The following GRIP1 variants were observed in gnomAD, a reference collection of about 807,000 sequenced individuals.
GRIP1 encodes glutamate receptor-interacting protein 1.
A neutral mutation model predicts 129.9 loss-of-function variants in GRIP1; 45 were observed. The ratio of observed to expected loss-of-function variants is 0.35; its 90% CI spans 0.27 to 0.44. The LOEUF is 0.44. GRIP1 is among the 20% of genes least tolerant of loss of function. The probability of loss-of-function intolerance (pLI) is 1.00; values close to 1 mark genes in which losing one functional copy is unlikely to be tolerated. For missense variants in GRIP1, 1,196 were observed against 1,396.8 expected, an observed-to-expected ratio of 0.86 and a Z score of 2.29; for synonymous variants, 530 against 520.8, an observed-to-expected ratio of 1.02 and a Z score of -0.24.
intron 7 of GRIP1, among the ~76,000 whole-genome samples, chr12:66,484,639 G>C (rs2059903215): frequency 6.6e-6 from 1 of 152,138 alleles, no homozygotes. Context: ...ATCTCGTGGA[G>C]GTAGAGAGTA....
intron 1 of GRIP1, among the ~76,000 whole-genome samples, chr12:67,058,336 A>G (rs527535587): frequency 1.2e-4 from 19 of 152,336 alleles, no homozygotes; most frequent in African/African-American, 3.8e-4. Context: ...CAGATTTTCA[A>G]TTGTCTATAT....
intron 1 of GRIP1, among the ~76,000 whole-genome samples, chr12:66,641,274 T>C (rs929050028): frequency 2.0e-5 from 3 of 152,158 alleles, no homozygotes; most frequent in Admixed American, 6.5e-5. Context: ...TCTGCACAGG[T>C]GCTACCACTA....
chr12:66,356,465 T>A (rs982213368), intron 23 of GRIP1, among the ~76,000 whole-genome samples: 1 of 152,198 alleles, frequency 6.6e-6, no homozygotes, highest in Non-Finnish European at 1.5e-5. Flanking sequence ...TCCACAATTA[T>A]GTTTTTGCCT....
At chr12:66,718,058 T>C (rs554535607) in intron 1 of GRIP1, among the ~76,000 whole-genome samples, 18 of 152,238 alleles carry the variant, frequency 1.2e-4, no homozygotes, top group African/African-American at 3.9e-4. Flanking sequence ...GCATTATACT[T>C]TGGAGATTGC....
At chr12:66,920,434 C>A (rs2041193977) in intron 1 of GRIP1, among the ~76,000 whole-genome samples, 1 of 152,206 alleles carries the variant, frequency 6.6e-6, no homozygotes, top group Admixed American at 6.5e-5. Context: ...CTTCTATCTC[C>A]TTCAAGCAGC....
chr12:66,436,459 T>G (rs1211681041), intron 13 of GRIP1, among the ~76,000 whole-genome samples: 1 of 152,060 alleles, frequency 6.6e-6, no homozygotes, highest in Non-Finnish European at 1.5e-5. Flanking sequence ...ATTCATGATA[T>G]TAGTTGGAGA....
At chr12:66,390,127 C>T (rs1256878523) in intron 19 of GRIP1, among the ~76,000 whole-genome samples, 1 of 152,184 alleles carries the variant, frequency 6.6e-6, no homozygotes, top group African/African-American at 2.4e-5. Context: ...AAGGAACAAC[C>T]TGTCACCTTG....
chr12:66,378,051 G>A (rs2055897407), intron 20 of GRIP1, among the ~76,000 whole-genome samples: 1 of 151,534 alleles, frequency 6.6e-6, no homozygotes, highest in African/African-American at 2.4e-5. Flanking sequence ...TTTTGGTAAG[G>A]AACAAAATGG....
intron 1 of GRIP1, among the ~76,000 whole-genome samples, chr12:66,768,573 C>G (rs933791227): frequency 6.6e-6 from 1 of 152,158 alleles, no homozygotes; most frequent in African/African-American, 2.4e-5. Flanking sequence ...ACAATGTGTC[C>G]TTACTACAAC....
chr12:66,964,679 A>T (rs773241873), intron 1 of GRIP1, among the ~76,000 whole-genome samples: 28 of 152,192 alleles, frequency 1.8e-4, no homozygotes, highest in Admixed American at 3.3e-4. Flanking sequence ...CCCAGAGAGT[A>T]GATAACACAT....
rs185676156 is a variant in GRIP1 at position 66,714,779 on chromosome 12, G to T, written c.-419-84443C>A. 3.9e-4 allele frequency among the ~76,000 whole-genome samples: 59 copies of T among 151,834 alleles called. 2 individuals are homozygous for T. The highest frequency in any genetic ancestry group is 1.4e-3 in the African/African-American group (58 of 41,450). On this transcript the variant is annotated intron_variant, in intron 1 of 4. Transcript: ENST00000538373. ...TGGTGAATTCTGTTCAAATATTCCA[G>T]GTAGTCAAGCCAGAAAATGGGGAGT...
At chr12:66,842,683 T>C (rs966583803) in intron 1 of GRIP1, among the ~76,000 whole-genome samples, 2 of 152,340 alleles carry the variant, frequency 1.3e-5, no homozygotes, top group Non-Finnish European at 1.5e-5. Context: ...GATAGGGATG[T>C]CTCTGATACT....
intron 1 of GRIP1, among the ~76,000 whole-genome samples, chr12:67,004,419 G>A (rs907749654): frequency 5.3e-5 from 8 of 152,150 alleles, no homozygotes; most frequent in Admixed American, 1.3e-4. Context: ...CACCTGGATG[G>A]CAAAGTGAGT....
At chr12:66,502,138 C>T (rs74892383) in intron 7 of GRIP1, among the ~76,000 whole-genome samples, 2,836 of 152,062 alleles carry the variant, frequency 0.019, 83 homozygotes, top group African/African-American at 0.065. Context: ...TTTATCAGGT[C>T]CAGAGACAGA....
At chr12:66,932,773 A>C (rs1458703062) in intron 1 of GRIP1, among the ~76,000 whole-genome samples, 1 of 151,968 alleles carries the variant, frequency 6.6e-6, no homozygotes, top group African/African-American at 2.4e-5. Context: ...GGTTCAAGCG[A>C]TTCTCCTGCC....
At chr12:66,738,526 T>C (rs1375902903) in intron 1 of GRIP1, among the ~76,000 whole-genome samples, 1 of 152,114 alleles carries the variant, frequency 6.6e-6, no homozygotes, top group Non-Finnish European at 1.5e-5. Flanking sequence ...CACCCACTTA[T>C]TTCATTTTTT....
chr12:66,427,665 C>T (rs1415558915), intron 14 of GRIP1, among the ~76,000 whole-genome samples: 1 of 152,184 alleles, frequency 6.6e-6, no homozygotes, highest in East Asian at 1.9e-4. Flanking sequence ...ACCACCATTA[C>T]ATAGACCTCA....
chr12:66,697,794 T>C lies in GRIP1; in HGVS notation c.-419-67458A>G, dbSNP rs142555862. Among the ~76,000 whole-genome samples, 442 of 152,310 alleles carry C rather than the reference T, an allele frequency of 2.9e-3. 1 individual carries two copies. The highest frequency in any genetic ancestry group is 0.01 in the African/African-American group (424 of 41,568). On this transcript the variant is annotated intron_variant, in intron 1 of 4. Transcript: ENST00000538373. ...CGAAAGTATTTTTAGTGGGTTACTCTCTTTGTAGGAAGTTCTGGCCTTATT... is the reference window on the plus strand; with the variant it reads ...CGAAAGTATTTTTAGTGGGTTACTCCCTTTGTAGGAAGTTCTGGCCTTATT...
At chr12:67,065,949 A>G (rs1457318140) in intron 1 of GRIP1, among the ~76,000 whole-genome samples, 1 of 152,242 alleles carries the variant, frequency 6.6e-6, no homozygotes, top group Non-Finnish European at 1.5e-5. Context: ...CCCAAAGTGT[A>G]TTAAGTGGCT....
Sources: allele counts gnomAD v4.1 joint callset (sites outside exome capture counted in the v4.1 genomes callset), GRCh38; gene constraint gnomAD v4.1.1; transcripts MANE v1.5; gene names NCBI Gene and HGNC (gene_info 2026-07-23, HGNC 2026-07-21).